CCDC88A: variants seen among roughly 807,000 people sequenced by gnomAD.
The protein encoded by CCDC88A is coiled-coil and HOOK domain protein 88A.
Under a neutral mutation model 234.3 loss-of-function variants are expected in CCDC88A, and 54 were observed. That is an observed-to-expected ratio of 0.23 (90% CI 0.19 to 0.29). The LOEUF is 0.29. Among genes scored for constraint, CCDC88A ranks in the 10% least tolerant of loss-of-function variants. The pLI, the probability that CCDC88A is intolerant of heterozygous loss-of-function variation, is 1.00. For synonymous variants in CCDC88A, 753 were observed against 737.8 expected (o/e 1.02, Z -0.33); for missense variants, 1,832 against 2,123.4 (o/e 0.86, Z 2.70).
At chr2:55,383,030 T>G (rs1387472318) in intron 3 of CCDC88A, among the ~76,000 whole-genome samples, 15 of 149,980 alleles carry the variant, frequency 1.0e-4, no homozygotes, top group African/African-American at 3.7e-4. Flanking sequence ...TGAATGACAT[T>G]AGAATTTGTA....
At chr2:55,301,463 T>A in intron 27 of CCDC88A, 186 bp from the exon 28 acceptor site, 1 of 526,390 alleles carries the variant, frequency 1.9e-6, no homozygotes, top group Non-Finnish European at 3.3e-6. Context: ...TCATTAGAGT[T>A]GACTTGCTTA....
chr2:55,341,038 T>A (rs1278503857), intron 12 of CCDC88A, among the ~76,000 whole-genome samples: 2 of 152,014 alleles, frequency 1.3e-5, no homozygotes, highest in Non-Finnish European at 2.9e-5. Context: ...ATACCACATA[T>A]AAATGAGATC....
Position 55,328,432 on chromosome 2 carries a change from C to T in CCDC88A, c.2859G>A (p.Arg953=). 1 of 1,553,088 alleles carries T rather than the reference C, an allele frequency of 6.4e-7. No individual in the cohort carries two copies. The highest frequency in any genetic ancestry group is 8.7e-7 in the Non-Finnish European group (1 of 1,147,370). Residue 953 remains arginine, a synonymous_variant, in exon 17 of 33, where the codon AGG becomes AGA. Transcript: ENST00000436346. This position sits in a 1 kb window ranked among gnomAD's most constrained non-coding sequence, Gnocchi z 4.3. ...CTAATTTTGATTCCAAAAGTTTATACCTACTATCCAAGTACAAAGTAATGT... is the reference window on the plus strand; with the variant it reads ...CTAATTTTGATTCCAAAAGTTTATATCTACTATCCAAGTACAAAGTAATGT... ...LHDEQSTDDS[R]YKLLESKLES... is the part of the protein sequence containing the mutation.
In CCDC88A at chr2:55,332,674, A is replaced by G; in HGVS notation, c.2747T>C (p.Leu916Ser). Residue 916 changes from leucine to serine, a missense_variant, in exon 16 of 33, where the codon TTG (leucine) becomes TCG (serine). Physicochemically the swap from Leu to Ser is moderately radical, Grantham distance 145. This residue lies in a region of CCDC88A where 1,282 missense variants were observed against 1,543.6 expected (regional missense o/e 0.83). Transcript: ENST00000436346. The surrounding 1 kb of genome is among the most constrained non-coding windows in gnomAD (Gnocchi z 4.5). ...TLREDLVSEK[L>S]KTQQMNNDLE... ...ATCATTGTTCATCTGTTGGGTCTTC[A>G]ACTTTTCACTCACCAAATCCTTATT... 6.2e-7 allele frequency: 1 copy of G among 1,613,520 alleles called. No homozygotes were observed. Among genetic ancestry groups the G allele is most frequent in the Non-Finnish European group, 8.5e-7 (1 of 1,179,734 alleles).
intron 2 of CCDC88A, among the ~76,000 whole-genome samples, chr2:55,409,022 G>C (rs904576141): frequency 3.3e-5 from 5 of 151,018 alleles, no homozygotes; most frequent in Non-Finnish European, 7.4e-5. Flanking sequence ...AGGTATTTTC[G>C]TCAGTTTCTG....
At chr2:55,315,714 A>G (rs1314270120) in intron 22 of CCDC88A, among the ~76,000 whole-genome samples, 2 of 152,246 alleles carry the variant, frequency 1.3e-5, no homozygotes, top group African/African-American at 2.4e-5. Flanking sequence ...GAATTTGGAC[A>G]TAAGTTTAAG....
chr2:55,417,535 C>T (rs1050018278), intron 2 of CCDC88A: 6 of 151,896 alleles, frequency 4.0e-5, no homozygotes, highest in East Asian at 1.9e-4. Flanking sequence ...TTGATGTCTA[C>T]GCTCTTTTTT....
chr2:55,413,978 AAACAAG>A (rs1230990793), intron 2 of CCDC88A, among the ~76,000 whole-genome samples: 1 of 151,874 alleles, frequency 6.6e-6, no homozygotes, highest in South Asian at 2.1e-4. Flanking sequence ...CAAAAAAAAA[AAACAAG>A]CAAACAAACA....
intron 31 of CCDC88A, 146 bp downstream of exon 31, chr2:55,295,451 A>ATG: frequency 6.4e-7 from 1 of 1,559,394 alleles, no homozygotes; most frequent in Non-Finnish European, 8.7e-7. Flanking sequence ...GGTTTAGAAA[A>ATG]TGTGACCTTC....
intron 25 of CCDC88A, 177 bp downstream of exon 25, chr2:55,308,632 T>C (rs907858377): frequency 3.4e-6 from 2 of 586,220 alleles, no homozygotes; most frequent in Non-Finnish European, 6.0e-6. Context: ...CTGTGTATGA[T>C]TTACCTCAGA....
intron 3 of CCDC88A, among the ~76,000 whole-genome samples, chr2:55,386,990 C>A (rs528003317): frequency 6.6e-5 from 10 of 151,004 alleles, no homozygotes; most frequent in Admixed American, 5.3e-4. Context: ...GCCTGGCCAA[C>A]ATGGCGAAAC....
At chr2:55,388,668 C>G (rs1173726235) in intron 3 of CCDC88A, 110 bp downstream of exon 3, 5 of 548,274 alleles carry the variant, frequency 9.1e-6, no homozygotes, top group Non-Finnish European at 1.3e-5. Flanking sequence ...GCAAATAGAT[C>G]AGAACCTAGC....
At chr2:55,295,128 G>T in intron 31 of CCDC88A, 1 of 1,305,772 alleles carries the variant, frequency 7.7e-7, no homozygotes, top group Non-Finnish European at 1.0e-6. Context: ...TGCAGCTTCT[G>T]TGTCATCAGG....
chr2:55,317,928 A>G lies in CCDC88A; in HGVS notation c.3325-87T>C. 1.0e-6 allele frequency: 1 copy of G among 979,032 alleles called. No homozygotes were observed. Among genetic ancestry groups the G allele is most frequent in the Non-Finnish European group, 1.5e-6 (1 of 663,542 alleles). 60.6% of individuals were successfully genotyped at this position (979,032 alleles called of 1,614,324 possible). A position where few individuals can be genotyped will look rare whatever the true frequency, so the allele number is the denominator to read the frequency against. On this transcript the variant is annotated intron_variant, in intron 19 of 32. Transcript: ENST00000436346. This position sits in a 1 kb window ranked among gnomAD's most constrained non-coding sequence, Gnocchi z 4.2. Reference sequence around the variant, plus strand: ...CAAGATTACAATGTTAATTAAAGAAAGCTCTAAATGAATCACAGCACACAT... The same window carrying G: ...CAAGATTACAATGTTAATTAAAGAAGGCTCTAAATGAATCACAGCACACAT...
At chr2:55,415,518 G>A (rs1029399615) in intron 2 of CCDC88A, among the ~76,000 whole-genome samples, 3 of 152,192 alleles carry the variant, frequency 2.0e-5, no homozygotes, top group Non-Finnish European at 4.4e-5. Flanking sequence ...CCTTGAAAGA[G>A]TTTCCAGGCC....
At chr2:55,408,427 G>A (rs1679953515) in intron 2 of CCDC88A, among the ~76,000 whole-genome samples, 1 of 152,096 alleles carries the variant, frequency 6.6e-6, no homozygotes, top group African/African-American at 2.4e-5. Flanking sequence ...GTTGAGATAA[G>A]AGGTTGGCAC....
chr2:55,308,729 C>T (rs1681958318), intron 25 of CCDC88A, 80 bp downstream of exon 25: 5 of 995,420 alleles, frequency 5.0e-6, no homozygotes, highest in East Asian at 2.4e-5. Context: ...GACTATTCCC[C>T]CAAAGGACTA....
Position 55,328,362 on chromosome 2 carries a change from C to T in CCDC88A, c.2929G>A (p.Ala977Thr). Residue 977 changes from alanine (A) to threonine (T), a missense_variant, in exon 17 of 33, where the codon GCT (alanine) becomes ACT (threonine). Physicochemically the swap from Ala to Thr is moderately conservative, Grantham distance 58. Around this residue, in one of 6 missense-constraint regions of CCDC88A, gnomAD observed 1,282 missense variants for 1,543.6 expected, o/e 0.83. Coordinates refer to ENST00000436346, the MANE Select transcript of CCDC88A (RefSeq NM_001365480.1). This position sits in a 1 kb window ranked among gnomAD's most constrained non-coding sequence, Gnocchi z 4.3. ...KSLEIKEEKI[A>T]ALEARLEEST... Reference sequence around the variant, plus strand: ...TCTTCTAATCGAGCTTCTAAAGCAGCAATTTTTTCTTCTTTTATTTCAAGA... The same window carrying T: ...TCTTCTAATCGAGCTTCTAAAGCAGTAATTTTTTCTTCTTTTATTTCAAGA... 1 of 1,600,552 alleles carries T rather than the reference C, an allele frequency of 6.2e-7. No individual in the cohort carries two copies. The highest frequency in any genetic ancestry group is 1.1e-5 in the South Asian group (1 of 87,864).
Position 55,334,247 on chromosome 2 carries a change from CT to C in CCDC88A, c.2573del (p.Lys858ArgfsTer26). On this transcript the variant is annotated frameshift_variant, in exon 15 of 33. Transcript: ENST00000436346. LOFTEE classifies it high-confidence loss of function. The surrounding 1 kb of genome is among the most constrained non-coding windows in gnomAD (Gnocchi z 6.1). Reference protein sequence around the residue: ...KDTTLEENNVKIGNLEKENKT... With the variant: ...KDTTLEENNVXIGNLEKENKT... ...TGTTTTCTTTTTCCAAATTTCCAAT[CT>C]TCACATTATTTTCTTCTAATGTGGT... is the stretch of plus-strand genomic sequence containing the variant. 7.0e-7 allele frequency: 1 copy of C among 1,438,320 alleles called. No individual in the cohort carries two copies. The highest frequency in any genetic ancestry group is 2.5e-5 in the East Asian group (1 of 39,564). The allele number at this position is 1,438,320 out of a possible 1,614,324, so 89.1% of individuals were successfully genotyped here.
Sources: gnomAD v4.1 joint callset for allele counts (sites outside exome capture counted in the v4.1 genomes callset) on GRCh38, gnomAD v4.1.1 for gene constraint, gnomAD v4.1.1 regional missense constraint, Gnocchi (gnomAD v3.1) non-coding constraint, MANE v1.5 for transcripts, NCBI Gene and HGNC (gene_info 2026-07-23, HGNC 2026-07-21) for gene names.